Variants in CPM observed in about 807,000 individuals in gnomAD.
CPM encodes the protein renal carboxypeptidase.
A neutral mutation model predicts 46.4 loss-of-function variants in CPM; 35 were observed. That is an observed-to-expected ratio of 0.75 (90% CI 0.58 to 1.00). The LOEUF (loss-of-function observed/expected upper bound fraction) is 1.00, where lower values mean the gene tolerates loss of function less well. Ranked by LOEUF, CPM falls within the 50% of genes least tolerant of loss-of-function variation. The probability of loss-of-function intolerance (pLI) is 0.00; values close to 1 mark genes in which losing one functional copy is unlikely to be tolerated. For synonymous variants in CPM, 195 were observed against 195.3 expected (o/e 1.00, Z 0.01); for missense variants, 422 against 530.4 (o/e 0.80, Z 2.01).
intron 1 of CPM, among the ~76,000 whole-genome samples, chr12:68,952,300 C>G (rs1278637691): frequency 6.6e-6 from 1 of 152,160 alleles, no homozygotes; most frequent in Admixed American, 6.5e-5. Context: ...CTGCTCTTCC[C>G]TTAGACCCAG....
intron 6 of CPM, 92 bp from the exon 7 acceptor site, chr12:68,867,140 A>G: frequency 1.6e-6 from 2 of 1,236,190 alleles, no homozygotes; most frequent in Non-Finnish European, 2.3e-6. Flanking sequence ...TCAGACAGCT[A>G]CATGTAAACA....
chr12:68,958,139 C>G (rs1298056736), intron 1 of CPM, among the ~76,000 whole-genome samples: 1 of 152,112 alleles, frequency 6.6e-6, no homozygotes, highest in African/African-American at 2.4e-5. Context: ...GTGAATAGTG[C>G]CGCAATAAAC....
At chr12:68,922,004 A>C (rs1375420196) in intron 2 of CPM, among the ~76,000 whole-genome samples, 1 of 152,180 alleles carries the variant, frequency 6.6e-6, no homozygotes, top group East Asian at 1.9e-4. Flanking sequence ...ACATGTAATA[A>C]GCACATCTTA....
In CPM at chr12:68,843,201, T is replaced by G. The variant is rs1309397827; in HGVS notation, c.534-872A>C. On this transcript the variant is annotated intron_variant, in intron 5 of 5. Transcript: ENST00000551897. ...ACTTTTAATGGGTACAGAGTTAAATTTGAAGGAATAAGTTCTAGCTGAAGT... is the reference window on the plus strand; with the variant it reads ...ACTTTTAATGGGTACAGAGTTAAATGTGAAGGAATAAGTTCTAGCTGAAGT... 10 of 224,908 alleles carry G rather than the reference T, an allele frequency of 4.4e-5. No homozygotes were observed. The East Asian group carries it at 4.5e-4, about 10-fold the overall frequency. The allele number at this position is 224,908 out of a possible 1,614,324, so 13.9% of individuals were successfully genotyped here. A position where few individuals can be genotyped will look rare whatever the true frequency, so the allele number is the denominator to read the frequency against.
chr12:68,934,977 A>G (rs921520224), upstream of CPM, among the ~76,000 whole-genome samples: 10 of 151,974 alleles, frequency 6.6e-5, no homozygotes, highest in Non-Finnish European at 1.5e-4. Context: ...CAATGGCATG[A>G]TCTCGGCTCA....
At chr12:68,873,565 T>C (rs1410555592) in intron 3 of CPM, among the ~76,000 whole-genome samples, 1 of 150,490 alleles carries the variant, frequency 6.6e-6, no homozygotes, top group Non-Finnish European at 1.5e-5. Context: ...CTCAGGAGGC[T>C]GAGGTAGGAG....
chr12:68,957,394 G>C (rs1889039238), intron 1 of CPM: 1 of 259,666 alleles, frequency 3.9e-6, no homozygotes, highest in African/African-American at 2.3e-5. Context: ...GCACCATACT[G>C]TTCCTTTAGT....
intron 2 of CPM, among the ~76,000 whole-genome samples, chr12:68,914,476 A>T (rs1887726922): frequency 6.6e-6 from 1 of 152,214 alleles, no homozygotes; most frequent in Non-Finnish European, 1.5e-5. Flanking sequence ...AAATGAGACC[A>T]GGATACGTTC....
At chr12:68,881,858 T>A (rs1886204082) in intron 3 of CPM, among the ~76,000 whole-genome samples, 1 of 151,616 alleles carries the variant, frequency 6.6e-6, no homozygotes, top group Admixed American at 6.6e-5. Flanking sequence ...GTAGCTGGGA[T>A]TACAGGCACC....
chr12:68,932,791 G>GCTA lies in CPM; in HGVS notation c.44_46dup (p.Val15dup). 6.2e-7 allele frequency: 1 copy of GCTA among 1,614,136 alleles called. No homozygotes were observed. Among genetic ancestry groups the GCTA allele is most frequent in the Non-Finnish European group, 8.5e-7 (1 of 1,179,994 alleles). ...GCGGTGGTAGTTGAAATCCAGCGCA[G>GCTA]CTACCAAAGGCAGCAACAGCCCTAG... On this transcript the variant is annotated inframe_insertion, in exon 2 of 9. Coordinates refer to ENST00000551568, the MANE Select transcript of CPM (RefSeq NM_198320.5).
chr12:68,870,123 G>A, intron 5 of CPM, 92 bp downstream of exon 5: 3 of 1,273,000 alleles, frequency 2.4e-6, no homozygotes, highest in Non-Finnish European at 3.3e-6. Flanking sequence ...GAAGTTAAGA[G>A]GGGAAGGGAG....
rs1216764343 is a variant in CPM at position 68,916,465 on chromosome 12, T to G, written c.160+16213A>C. Among the ~76,000 whole-genome samples, 3 of 152,358 alleles carry G rather than the reference T, an allele frequency of 2.0e-5. No individual in the cohort carries two copies. In the East Asian group the frequency reaches 5.8e-4, roughly 29 times the overall value. On this transcript the variant is annotated intron_variant, in intron 2 of 8. Transcript: ENST00000551568. ...TTCAAATAAAAACTTTTCACACTGA[T>G]AGCTCTCAGGGATTATTATTTTTAC...
intron 8 of CPM, among the ~76,000 whole-genome samples, 191 bp downstream of exon 8, chr12:68,858,731 TG>T (rs59986141): frequency 0.21 from 30,337 of 146,838 alleles, 3,423 homozygotes; most frequent in African/African-American, 0.32. Flanking sequence ...TGAATTTTTG[TG>T]GTTTTTTTTT....
intron 2 of CPM, among the ~76,000 whole-genome samples, chr12:68,900,324 AC>A (rs1887061315): frequency 6.6e-6 from 1 of 152,240 alleles, no homozygotes; most frequent in African/African-American, 2.4e-5. Context: ...GCAAATTAAA[AC>A]AACAATGAGA....
chr12:68,940,555 A>C (rs1006430453), intron 1 of CPM, among the ~76,000 whole-genome samples: 3 of 149,962 alleles, frequency 2.0e-5, no homozygotes, highest in Non-Finnish European at 4.4e-5. Context: ...GACAGATTCC[A>C]ATCCTTAACC....
At chr12:68,947,269 T>C (rs1468827025) in intron 1 of CPM, among the ~76,000 whole-genome samples, 2 of 152,210 alleles carry the variant, frequency 1.3e-5, no homozygotes, top group Non-Finnish European at 2.9e-5. Flanking sequence ...TACATAGTCA[T>C]GTAGTTTTTA....
chr12:68,928,928 T>A (rs1186842646), intron 2 of CPM, among the ~76,000 whole-genome samples: 1 of 139,754 alleles, frequency 7.2e-6, no homozygotes, highest in Non-Finnish European at 1.6e-5. Flanking sequence ...TTTTTTTTTT[T>A]AAGAAATGGA....
chr12:68,855,718 G>GTGT lies in CPM; in HGVS notation c.*716_*718dup, dbSNP rs1289493483. On this transcript the variant is annotated 3_prime_UTR_variant, in exon 9 of 9. Coordinates refer to ENST00000551568, the MANE Select transcript of CPM (RefSeq NM_198320.5). ...ATTCACATGTAGCACTCATGGTGAG[G>GTGT]TGTTTTTTTTGTTTGTTTGTTTTTG... 2 of 150,806 alleles carry GTGT rather than the reference G, an allele frequency of 1.3e-5. No homozygotes were observed. Among genetic ancestry groups the GTGT allele is most frequent in the African/African-American group, 4.9e-5 (2 of 40,598 alleles). 9.3% of individuals were successfully genotyped at this position (150,806 alleles called of 1,614,324 possible). A position where few individuals can be genotyped will look rare whatever the true frequency, so the allele number is the denominator to read the frequency against.
chr12:68,872,400 G>T (rs11837875), intron 3 of CPM, among the ~76,000 whole-genome samples: 17,144 of 151,788 alleles, frequency 0.11, 2,006 homozygotes, highest in African/African-American at 0.29. Flanking sequence ...TTACAGGCGT[G>T]TGCCACCACG....
Sources: gnomAD v4.1 joint callset for allele counts (sites outside exome capture counted in the v4.1 genomes callset) on GRCh38, gnomAD v4.1.1 for gene constraint, MANE v1.5 for transcripts, NCBI Gene and HGNC (gene_info 2026-07-23, HGNC 2026-07-21) for gene names.